Variants in SCFD2 observed in about 807,000 individuals in gnomAD.
The protein encoded by SCFD2 is sec1 family domain-containing protein 2.
A neutral mutation model predicts 58.9 loss-of-function variants in SCFD2; 54 were observed. The ratio of observed to expected loss-of-function variants is 0.92; its 90% CI spans 0.74 to 1.15. The LOEUF is 1.15. SCFD2 is among the 50% of genes most tolerant of loss of function. SCFD2 has a pLI of 0.00. For missense variants in SCFD2, 805 were observed against 836.6 expected, an observed-to-expected ratio of 0.96 and a Z score of 0.47; for synonymous variants, 321 against 335.9, an observed-to-expected ratio of 0.96 and a Z score of 0.49.
chr4:53,103,810 G>A, intron 5 of SCFD2, among the ~76,000 whole-genome samples: 1 of 137,272 alleles, frequency 7.3e-6, no homozygotes, highest in South Asian at 2.3e-4. Context: ...TAGGGGATGG[G>A]AGAAAAGAAA....
intron 4 of SCFD2, among the ~76,000 whole-genome samples, chr4:53,229,820 C>G (rs1416290581): frequency 3.3e-5 from 5 of 152,186 alleles, no homozygotes; most frequent in Non-Finnish European, 5.9e-5. Context: ...AAACTACCAT[C>G]AGAGTGAACA....
chr4:53,263,219 GC>G (rs1285219405), intron 4 of SCFD2, among the ~76,000 whole-genome samples: 3 of 152,148 alleles, frequency 2.0e-5, no homozygotes, highest in Admixed American at 6.5e-5. Context: ...TCCTTGATTA[GC>G]TTAATAATCG....
At chr4:53,057,972 C>G (rs1252789710) in intron 5 of SCFD2, among the ~76,000 whole-genome samples, 2 of 152,028 alleles carry the variant, frequency 1.3e-5, no homozygotes, top group Non-Finnish European at 2.9e-5. Flanking sequence ...GTACTGAGCA[C>G]TCTCAATAAA....
chr4:53,262,562 G>A (rs563066829), intron 4 of SCFD2, among the ~76,000 whole-genome samples: 1 of 152,236 alleles, frequency 6.6e-6, no homozygotes, highest in South Asian at 2.1e-4. Context: ...TCTGTTTATG[G>A]AGGCTAAAAA....
chr4:52,883,979 G>T (rs773164139), intron 8 of SCFD2, among the ~76,000 whole-genome samples: 1 of 152,150 alleles, frequency 6.6e-6, no homozygotes, highest in Non-Finnish European at 1.5e-5. Flanking sequence ...GCAGGGACCA[G>T]ACCTTCTTGG....
At chr4:53,231,573 T>C (rs1216436938) in intron 4 of SCFD2, among the ~76,000 whole-genome samples, 2 of 152,186 alleles carry the variant, frequency 1.3e-5, no homozygotes, top group Non-Finnish European at 2.9e-5. Flanking sequence ...ATTATTCCTA[T>C]ACCCAATCAA....
At chr4:52,886,969 C>T (rs1461018090) in intron 7 of SCFD2, among the ~76,000 whole-genome samples, 1 of 152,226 alleles carries the variant, frequency 6.6e-6, no homozygotes, top group East Asian at 1.9e-4. Flanking sequence ...GCATCTACAG[C>T]AGCCTGTGGC....
intron 5 of SCFD2, among the ~76,000 whole-genome samples, chr4:53,068,407 G>A (rs1270512772): frequency 6.6e-6 from 1 of 152,008 alleles, no homozygotes; most frequent in African/African-American, 2.4e-5. Context: ...TTCATGTTTA[G>A]TTTATTTTGA....
chr4:53,352,544 A>G, intron 2 of SCFD2, 54 bp downstream of exon 2: 4 of 1,456,542 alleles, frequency 2.7e-6, no homozygotes, highest in Non-Finnish European at 3.8e-6. Context: ...AGTCTAGGAG[A>G]AAAAGAAAGG....
At chr4:53,182,932 C>A (rs1727621084) in intron 4 of SCFD2, among the ~76,000 whole-genome samples, 1 of 152,102 alleles carries the variant, frequency 6.6e-6, no homozygotes, top group Non-Finnish European at 1.5e-5. Context: ...TCAGAGAATG[C>A]AAATCAAAAC....
At chr4:53,166,581 A>G (rs920342241) in intron 4 of SCFD2, among the ~76,000 whole-genome samples, 12 of 152,130 alleles carry the variant, frequency 7.9e-5, no homozygotes, top group Non-Finnish European at 1.3e-4. Context: ...ACAAACATAA[A>G]CCGATTCTCT....
intron 2 of SCFD2, among the ~76,000 whole-genome samples, chr4:53,352,032 A>C (rs2149162907): frequency 6.6e-6 from 1 of 152,362 alleles, no homozygotes; most frequent in Non-Finnish European, 1.5e-5. Flanking sequence ...AAAGTTGAGA[A>C]AGTGACTATC....
chr4:53,252,478 C>G (rs950730294), intron 4 of SCFD2, among the ~76,000 whole-genome samples: 1 of 151,128 alleles, frequency 6.6e-6, no homozygotes, highest in African/African-American at 2.4e-5. Flanking sequence ...TACCTGACTT[C>G]AAACTATACT....
chr4:53,249,261 G>C (rs901100360), intron 4 of SCFD2, among the ~76,000 whole-genome samples: 1 of 152,032 alleles, frequency 6.6e-6, no homozygotes, highest in African/African-American at 2.4e-5. Context: ...AGAGAAAAAA[G>C]AACAAAAAGA....
intron 5 of SCFD2, among the ~76,000 whole-genome samples, chr4:52,984,656 T>G (rs969261222): frequency 1.3e-5 from 2 of 152,236 alleles, no homozygotes; most frequent in African/African-American, 4.8e-5. Flanking sequence ...TCTAAGTAGT[T>G]CTTCTTGTTG....
chr4:53,243,293 C>G (rs1729959033), intron 4 of SCFD2, among the ~76,000 whole-genome samples: 3 of 152,082 alleles, frequency 2.0e-5, no homozygotes, highest in African/African-American at 7.2e-5. Flanking sequence ...AGCAGAAACC[C>G]TAAAAGCTAG....
At chr4:53,360,061 T>C (rs9312639) in intron 1 of SCFD2, among the ~76,000 whole-genome samples, 1 of 152,056 alleles carries the variant, frequency 6.6e-6, no homozygotes, top group Admixed American at 6.6e-5. Context: ...TTTGGTGACT[T>C]GTGGTCTTAA....
At chr4:52,918,973 C>A (rs543927632) in intron 6 of SCFD2, among the ~76,000 whole-genome samples, 1 of 152,134 alleles carries the variant, frequency 6.6e-6, no homozygotes, top group Non-Finnish European at 1.5e-5. Context: ...CTCACTGACA[C>A]TTAGGATTGT....
At chr4:52,942,725 G>A (rs1369202454) in intron 5 of SCFD2, among the ~76,000 whole-genome samples, 1 of 152,174 alleles carries the variant, frequency 6.6e-6, no homozygotes, top group Non-Finnish European at 1.5e-5. Context: ...CATCTCAGGA[G>A]GAGAAGTACA....
Sources: gnomAD v4.1 joint callset for allele counts (sites outside exome capture counted in the v4.1 genomes callset) on GRCh38, gnomAD v4.1.1 for gene constraint, MANE v1.5 for transcripts, NCBI Gene and HGNC (gene_info 2026-07-23, HGNC 2026-07-21) for gene names.